SNTG1: variants seen among roughly 807,000 people sequenced by gnomAD.
SNTG1 encodes syntrophin gamma 1.
In SNTG1, 39 loss-of-function variants were observed where a neutral mutation model predicts 74.7. That is an observed-to-expected ratio of 0.52 (90% CI 0.40 to 0.68). The LOEUF is 0.68. Ranked by LOEUF, SNTG1 falls within the 30% of genes least tolerant of loss-of-function variation. The pLI is 0.00. For missense variants in SNTG1, 685 were observed against 609.5 expected, an observed-to-expected ratio of 1.12 and a Z score of -1.30; for synonymous variants, 254 against 217.1, an observed-to-expected ratio of 1.17 and a Z score of -1.49.
chr8:50,389,930 T>A (rs1404139899), intron 2 of SNTG1, among the ~76,000 whole-genome samples: 1 of 152,208 alleles, frequency 6.6e-6, no homozygotes, highest in African/African-American at 2.4e-5. Flanking sequence ...TTGATGGGGT[T>A]GTTTGTATTT....
chr8:50,410,515 T>C (rs2092933989), intron 4 of SNTG1, among the ~76,000 whole-genome samples: 1 of 152,232 alleles, frequency 6.6e-6, no homozygotes, highest in African/African-American at 2.4e-5. Flanking sequence ...AGGTGTATAA[T>C]ATGATGACTT....
intron 13 of SNTG1, among the ~76,000 whole-genome samples, chr8:50,602,717 G>T (rs1176737277): frequency 6.6e-6 from 1 of 152,096 alleles, no homozygotes; most frequent in Non-Finnish European, 1.5e-5. Flanking sequence ...CTAAGCTTTT[G>T]TTTGTCTGGG....
At chr8:50,686,589 A>T (rs771324035) in intron 15 of SNTG1, among the ~76,000 whole-genome samples, 11 of 152,144 alleles carry the variant, frequency 7.2e-5, no homozygotes, top group Admixed American at 1.3e-4. Flanking sequence ...ATTTGGTTTT[A>T]AAAATAATTT....
intron 1 of SNTG1, among the ~76,000 whole-genome samples, chr8:49,959,592 A>C (rs1252034310): frequency 1.3e-5 from 2 of 152,344 alleles, no homozygotes; most frequent in South Asian, 2.1e-4. Flanking sequence ...AATGTTTTCA[A>C]GGTCCATCCA....
chr8:50,429,263 T>C (rs2093203499), intron 4 of SNTG1, among the ~76,000 whole-genome samples: 2 of 151,962 alleles, frequency 1.3e-5, no homozygotes, highest in Admixed American at 6.6e-5. Flanking sequence ...TAGACAGTAA[T>C]CTAAGGTGGT....
intron 8 of SNTG1, among the ~76,000 whole-genome samples, chr8:50,492,368 C>T (rs148828542): frequency 1.8e-4 from 27 of 152,238 alleles, no homozygotes; most frequent in African/African-American, 5.3e-4. Flanking sequence ...TAAAAGCAAG[C>T]GTTCCTACTT....
In SNTG1 at chr8:49,938,592, C is replaced by CT. The variant is rs1244932981; in HGVS notation, c.-103+26365dup. On this transcript the variant is annotated intron_variant, in intron 1 of 18. Transcript: ENST00000642720. ...CTTTTCTTTTCTTTTCTTTTCTTTT[C>CT]TTTTCTTTTCTTTTCTTTCTTTCTT... Among the ~76,000 whole-genome samples, 60 of 18,128 alleles carry CT rather than the reference C, an allele frequency of 3.3e-3. 2 individuals carry two copies. Among genetic ancestry groups the CT allele is most frequent in the African/African-American group, 7.0e-3 (59 of 8,398 alleles). The allele number at this position is 18,128 out of a possible 152,430, so 11.9% of individuals were successfully genotyped here.
At chr8:50,545,506 AT>A (rs1195022729) in intron 11 of SNTG1, among the ~76,000 whole-genome samples, 1 of 148,102 alleles carries the variant, frequency 6.8e-6, no homozygotes, top group African/African-American at 2.5e-5. Context: ...ATATATATAT[AT>A]TTGAATTTGA....
intron 2 of SNTG1, among the ~76,000 whole-genome samples, chr8:50,258,555 C>G (rs1317747591): frequency 6.6e-6 from 1 of 151,926 alleles, no homozygotes; most frequent in Non-Finnish European, 1.5e-5. Flanking sequence ...ATGATAATAT[C>G]TAATTAACTA....
chr8:49,978,073 C>T (rs318904), intron 1 of SNTG1, among the ~76,000 whole-genome samples: 5,768 of 152,286 alleles, frequency 0.038, 363 homozygotes, highest in African/African-American at 0.13. Flanking sequence ...CAGCTCACAA[C>T]GGTCCACTCA....
At chr8:50,604,105 G>A (rs1157604268) in intron 13 of SNTG1, among the ~76,000 whole-genome samples, 4 of 152,158 alleles carry the variant, frequency 2.6e-5, no homozygotes, top group Non-Finnish European at 5.9e-5. Flanking sequence ...TTTTCTAGGG[G>A]CCAGGGACTA....
At chr8:49,981,919 T>A (rs995672496) in intron 1 of SNTG1, among the ~76,000 whole-genome samples, 2 of 152,128 alleles carry the variant, frequency 1.3e-5, no homozygotes, top group African/African-American at 4.8e-5. Context: ...CTTTAGAATA[T>A]CTTAATTTTA....
chr8:50,349,222 T>C (rs1164537323), intron 2 of SNTG1, among the ~76,000 whole-genome samples: 1 of 152,166 alleles, frequency 6.6e-6, no homozygotes, highest in Non-Finnish European at 1.5e-5. Flanking sequence ...ACTTAACAAA[T>C]TGTCTGTGGG....
At chr8:50,528,805 A>ATT (rs556450377) in intron 9 of SNTG1, among the ~76,000 whole-genome samples, 97 of 146,328 alleles carry the variant, frequency 6.6e-4, no homozygotes, top group Middle Eastern at 3.8e-3. Context: ...TTTTTTCTAA[A>ATT]TTTTTTTTTT....
At chr8:50,777,208 A>T (rs1174324705) in intron 18 of SNTG1, among the ~76,000 whole-genome samples, 2 of 144,286 alleles carry the variant, frequency 1.4e-5, no homozygotes, top group African/African-American at 5.4e-5. Flanking sequence ...GACTCTGAAG[A>T]CATGAATAGC....
intron 2 of SNTG1, among the ~76,000 whole-genome samples, chr8:50,176,520 C>A (rs1199096681): frequency 6.6e-6 from 1 of 152,240 alleles, no homozygotes; most frequent in East Asian, 1.9e-4. Context: ...GCAAAAGCTT[C>A]ATGTAGGGAA....
At chr8:50,779,135 G>T (rs887980099) in intron 18 of SNTG1, among the ~76,000 whole-genome samples, 2 of 152,136 alleles carry the variant, frequency 1.3e-5, no homozygotes, top group African/African-American at 4.8e-5. Flanking sequence ...GTCAGGTAGT[G>T]TGATGCCTCC....
At chr8:50,658,732 C>T in intron 15 of SNTG1, 69 bp downstream of exon 15, 1 of 1,000,198 alleles carries the variant, frequency 1.0e-6, no homozygotes, top group Admixed American at 2.3e-5. Context: ...GGCTCATAAG[C>T]AGCTCATGAA....
chr8:50,361,036 C>A (rs751303364), intron 2 of SNTG1, among the ~76,000 whole-genome samples: 2 of 152,138 alleles, frequency 1.3e-5, no homozygotes, highest in Admixed American at 6.6e-5. Flanking sequence ...TTTGTAATAG[C>A]TTTTAGCTTA....
Sources: allele counts gnomAD v4.1 joint callset (sites outside exome capture counted in the v4.1 genomes callset), GRCh38; gene constraint gnomAD v4.1.1; transcripts MANE v1.5; gene names NCBI Gene and HGNC (gene_info 2026-07-23, HGNC 2026-07-21).